Variants in MSH5 observed in about 807,000 individuals in gnomAD.
MSH5 encodes the protein mutS protein homolog 5.
A neutral mutation model predicts 107.7 loss-of-function variants in MSH5; 78 were observed. The observed-to-expected ratio is 0.72, with a 90% CI of 0.60 to 0.87. The LOEUF is 0.87. Among genes scored for constraint, MSH5 ranks in the 40% least tolerant of loss-of-function variants. The pLI, the probability that MSH5 is intolerant of heterozygous loss-of-function variation, is 0.00. For missense variants in MSH5, 889 were observed against 1,046.6 expected (o/e 0.85, Z 2.08); for synonymous variants, 326 against 399.5 (o/e 0.82, Z 2.19).
At chr6:31,753,702 C>T (rs1484174662) in intron 12 of MSH5, 73 bp downstream of exon 12, 1 of 1,365,936 alleles carries the variant, frequency 7.3e-7, no homozygotes, top group Non-Finnish European at 1.0e-6. Context: ...TGTCTGTACC[C>T]TAGACATGCT....
chr6:31,753,641 C>T lies in MSH5; in HGVS notation c.1014+12C>T. 1.9e-6 allele frequency: 3 copies of T among 1,613,854 alleles called. No individual in the cohort carries two copies. Among genetic ancestry groups the T allele is most frequent in the South Asian group, 1.1e-5 (1 of 91,076 alleles). ...AGGTTCTCTACAAGGTAAGGCCTTC[C>T]TTCTTGAATCCCAAAAGTCCAGGTA... On this transcript the variant is annotated intron_variant, in intron 12 of 24. Transcript: ENST00000375750.
rs1009846459 is a variant in MSH5 at position 31,740,732 on chromosome 6, G to T, written c.147+119G>T. On this transcript the variant is annotated intron_variant, in intron 2 of 24. Transcript: ENST00000375750. The surrounding 1 kb of genome is among the most constrained non-coding windows in gnomAD (Gnocchi z 4.4). The stretch of plus-strand genomic sequence containing the variant: ...TCTTAGCACTTTGGGAGACTGAGGC[G>T]GGCGGATCACCTGAGCTCAGGAGTT... 7.7e-6 allele frequency: 9 copies of T among 1,171,142 alleles called. No individual in the cohort carries two copies. Among genetic ancestry groups the T allele is most frequent in the Non-Finnish European group, 9.1e-6 (8 of 883,056 alleles). 72.5% of individuals were successfully genotyped at this position (1,171,142 alleles called of 1,614,324 possible).
In MSH5 at chr6:31,741,237, C is replaced by T. The variant is rs750571916; in HGVS notation, c.222C>T (p.His74=). The T allele has an allele frequency of 5.0e-6, 8 of 1,612,934 alleles. No homozygotes were observed. In the South Asian group the frequency reaches 6.6e-5, roughly 13 times the overall value. Residue 74 remains histidine, a synonymous_variant, in exon 3 of 25, where the codon CAC becomes CAT. Coordinates refer to ENST00000375750, the MANE Select transcript of MSH5 (RefSeq NM_172166.4). ...AYYDTSDSTI[H]FMPDAPDHES... is the part of the protein sequence containing the mutation. ...ATGATACTAGTGACTCCACTATCCA[C>T]TTCATGCCAGATGCCCCAGACCACG...
intron 9 of MSH5, among the ~76,000 whole-genome samples, 191 bp downstream of exon 9, chr6:31,745,510 T>C (rs1809354903): frequency 6.6e-6 from 1 of 151,154 alleles, no homozygotes; most frequent in Admixed American, 6.6e-5. Flanking sequence ...ACTTTGTGGC[T>C]GTACAGTGTT....
In MSH5 at chr6:31,759,805, G is replaced by A. The variant is rs568300022; in HGVS notation, c.1515G>A (p.Met505Ile). The stretch of plus-strand genomic sequence containing the variant: ...TCCCAGACCAGGAGACGCTGCTGAT[G>A]TACCAGCTACAGTGCCAGGTGCTGG... ...CEIRDQETLL[M>I]YQLQCQVLAR... is the part of the protein sequence containing the mutation. Residue 505 changes from methionine to isoleucine, a missense_variant, in exon 18 of 25, where the codon ATG becomes ATA. Transcript: ENST00000375750. The surrounding 1 kb of genome is among the most constrained non-coding windows in gnomAD (Gnocchi z 4.7). The A allele has an allele frequency of 1.2e-6, 2 of 1,613,426 alleles. No homozygotes were observed. Among genetic ancestry groups the A allele is most frequent in the Admixed American group, 1.7e-5 (1 of 60,010 alleles).
In MSH5 at chr6:31,761,719, C is replaced by T. The variant is rs763883206; in HGVS notation, c.2182-99C>T. On this transcript the variant is annotated intron_variant, in intron 22 of 24. Coordinates refer to ENST00000375750, the MANE Select transcript of MSH5 (RefSeq NM_172166.4). This position sits in a 1 kb window ranked among gnomAD's most constrained non-coding sequence, Gnocchi z 5.3. ...ACAAGGGCTCCCTCAGCACAGAGAC[C>T]ACATCCCTTCCCTTTTCTCCCTCCC... is the stretch of plus-strand genomic sequence containing the variant. 41 of 1,612,480 alleles carry T rather than the reference C, an allele frequency of 2.5e-5. No homozygotes were observed. The highest frequency in any genetic ancestry group is 3.4e-5 in the Non-Finnish European group (40 of 1,179,322).
chr6:31,743,017 A>T, intron 4 of MSH5, 60 bp downstream of exon 4: 1 of 1,609,440 alleles, frequency 6.2e-7, no homozygotes, highest in Non-Finnish European at 8.5e-7. Context: ...GGAATATTCC[A>T]GGGGGCTAGA....
Position 31,744,567 on chromosome 6 carries a change from T to A in MSH5, c.669T>A (p.Asp223Glu). 6.2e-7 allele frequency: 1 copy of A among 1,613,230 alleles called. No homozygotes were observed. The highest frequency in any genetic ancestry group is 8.5e-7 in the Non-Finnish European group (1 of 1,180,028). The change falls in exon 8 of 25, where the codon GAT becomes GAA. Residue 223 changes from aspartate (D) to glutamate (E), a missense_variant. Coordinates refer to ENST00000375750, the MANE Select transcript of MSH5 (RefSeq NM_172166.4). ...TCAGGACTCATCTGGTGAACATAGA[T>A]CAAGACACTTACAGGTAAAGAGGTG... ...KFMLTHLVNI[D>E]QDTYSVLQIF...
intron 7 of MSH5, 67 bp downstream of exon 7, chr6:31,744,366 G>A: frequency 1.9e-6 from 3 of 1,601,986 alleles, no homozygotes; most frequent in Non-Finnish European, 2.6e-6. Flanking sequence ...GTAAAGTGGG[G>A]GTGGGGTGTG....
intron 5 of MSH5, among the ~76,000 whole-genome samples, chr6:31,743,661 T>G (rs1315742194): frequency 6.6e-6 from 1 of 152,218 alleles, no homozygotes; most frequent in Non-Finnish European, 1.5e-5. Context: ...GATGTCTACT[T>G]TCCTCAGCCA....
chr6:31,740,440 T>G lies in MSH5; in HGVS notation c.-13-14T>G. 6.5e-7 allele frequency: 1 copy of G among 1,547,632 alleles called. No homozygotes were observed. Among genetic ancestry groups the G allele is most frequent in the Non-Finnish European group, 8.7e-7 (1 of 1,145,420 alleles). On this transcript the variant is annotated splice_polypyrimidine_tract_variant and intron_variant, in intron 1 of 24. Coordinates refer to ENST00000375750, the MANE Select transcript of MSH5 (RefSeq NM_172166.4). This position sits in a 1 kb window ranked among gnomAD's most constrained non-coding sequence, Gnocchi z 4.4. Reference sequence around the variant, plus strand: ...TCGTTGCTTCCGAACCGCCCTCACTTTTTGCATCCGCAGAGCCTCCAAGCT... The same window carrying G: ...TCGTTGCTTCCGAACCGCCCTCACTGTTTGCATCCGCAGAGCCTCCAAGCT...
At chr6:31,743,799 T>A in intron 5 of MSH5, 105 bp from the exon 6 acceptor site, 1 of 1,504,336 alleles carries the variant, frequency 6.6e-7, no homozygotes, top group Admixed American at 2.1e-5. Flanking sequence ...CTGTGTGAGC[T>A]TGGGCAAGTC....
Position 31,753,603 on chromosome 6 carries a change from G to T in MSH5, c.988G>T (p.Val330Phe), listed in dbSNP as rs1352217266. The change falls in exon 12 of 25, where the codon GTC becomes TTC. Residue 330 changes from valine (V) to phenylalanine (F), a missense_variant. This residue lies in a region of MSH5 where 518 missense variants were observed against 565.0 expected (regional missense o/e 0.92). Coordinates refer to ENST00000375750, the MANE Select transcript of MSH5 (RefSeq NM_172166.4). Reference protein sequence around the residue: ...LKRMKLSHTKVSDWQVLYKTV... With the variant: ...LKRMKLSHTKFSDWQVLYKTV... ...ACGCATGAAGTTGTCCCACACCAAG[G>T]TCAGCGACTGGCAGGTTCTCTACAA... 1 of 1,614,164 alleles carries T rather than the reference G, an allele frequency of 6.2e-7. No individual in the cohort carries two copies. Among genetic ancestry groups the T allele is most frequent in the Non-Finnish European group, 8.5e-7 (1 of 1,180,032 alleles).
chr6:31,743,861 T>C lies in MSH5; in HGVS notation c.416-43T>C, dbSNP rs1215499986. 1.9e-5 allele frequency: 31 copies of C among 1,596,756 alleles called. No individual in the cohort carries two copies. In the Admixed American group the frequency reaches 5.5e-4, roughly 28 times the overall value. ...TCATTCTTAAAATGGGGTGAAAAAATTGAGCTACAAGACCGTTCCCTTTGC... is the reference window on the plus strand; with the variant it reads ...TCATTCTTAAAATGGGGTGAAAAAACTGAGCTACAAGACCGTTCCCTTTGC... On this transcript the variant is annotated intron_variant, in intron 5 of 24. Transcript: ENST00000375750.
At position 31,753,644 on chromosome 6, in the gene MSH5, C is replaced by G. The variant is rs777091396; in HGVS notation, c.1014+15C>G. ...TTCTCTACAAGGTAAGGCCTTCCTT[C>G]TTGAATCCCAAAAGTCCAGGTAAAG... On this transcript the variant is annotated intron_variant, in intron 12 of 24. Transcript: ENST00000375750. 1 of 1,613,754 alleles carries G rather than the reference C, an allele frequency of 6.2e-7. No individual in the cohort carries two copies. Among genetic ancestry groups the G allele is most frequent in the Non-Finnish European group, 8.5e-7 (1 of 1,179,724 alleles).
Position 31,744,334 on chromosome 6 carries a change from G to A in MSH5, c.647+35G>A, listed in dbSNP as rs779368288. ...TCACCCCAACCCCAACCAAAGTAATGTGGGATTGGGAGGCCTGAAAAGTAA... is the reference window on the plus strand; with the variant it reads ...TCACCCCAACCCCAACCAAAGTAATATGGGATTGGGAGGCCTGAAAAGTAA... On this transcript the variant is annotated intron_variant, in intron 7 of 24. Coordinates refer to ENST00000375750, the MANE Select transcript of MSH5 (RefSeq NM_172166.4). The A allele has an allele frequency of 3.1e-5, 50 of 1,613,246 alleles. 1 individual carries two copies. The South Asian group carries it at 5.5e-4, about 18-fold the overall frequency.
At position 31,758,991 on chromosome 6, in the gene MSH5, CT is replaced by C; in HGVS notation, c.1327-100del. The C allele has an allele frequency of 7.0e-7, 1 of 1,419,702 alleles. No homozygotes were observed. Among genetic ancestry groups the C allele is most frequent in the Non-Finnish European group, 9.9e-7 (1 of 1,005,298 alleles). 87.9% of individuals were successfully genotyped at this position (1,419,702 alleles called of 1,614,324 possible). On this transcript the variant is annotated intron_variant, in intron 15 of 24. Transcript: ENST00000375750. This position sits in a 1 kb window ranked among gnomAD's most constrained non-coding sequence, Gnocchi z 5.1. The stretch of plus-strand genomic sequence containing the variant: ...TGGGGCAGCCTGAAGAACATGAACA[CT>C]TTTTTGTGGGGATACAGGGATCTTT...
intron 12 of MSH5, among the ~76,000 whole-genome samples, chr6:31,754,523 GT>G (rs1048848231): frequency 1.3e-5 from 2 of 151,768 alleles, no homozygotes; most frequent in Admixed American, 1.3e-4. Flanking sequence ...TCGTTTGTTT[GT>G]TTTTTTAAAT....
intron 12 of MSH5, among the ~76,000 whole-genome samples, chr6:31,755,888 C>A (rs1810406148): frequency 6.6e-6 from 1 of 152,042 alleles, no homozygotes; most frequent in South Asian, 2.1e-4. Flanking sequence ...CTTCTCCTGG[C>A]AATTTGTTGA....
Sources: gnomAD v4.1 joint callset for allele counts (sites outside exome capture counted in the v4.1 genomes callset) on GRCh38, gnomAD v4.1.1 for gene constraint, gnomAD v4.1.1 regional missense constraint, Gnocchi (gnomAD v3.1) non-coding constraint, MANE v1.5 for transcripts, NCBI Gene and HGNC (gene_info 2026-07-23, HGNC 2026-07-21) for gene names.